FOXN3: variants seen among roughly 807,000 people sequenced by gnomAD.
The protein encoded by FOXN3 is forkhead box protein N3.
In FOXN3, 7 loss-of-function variants were observed where a neutral mutation model predicts 38.4. The ratio of observed to expected loss-of-function variants is 0.18; its 90% CI spans 0.10 to 0.34. FOXN3 has a LOEUF of 0.34. Among genes scored for constraint, FOXN3 ranks in the 10% least tolerant of loss-of-function variants. The probability of loss-of-function intolerance (pLI) is 1.00; values close to 1 mark genes in which losing one functional copy is unlikely to be tolerated. For synonymous variants in FOXN3, 230 were observed against 242.2 expected (o/e 0.95, Z 0.47); for missense variants, 456 against 613.4 (o/e 0.74, Z 2.71).
intron 4 of FOXN3, among the ~76,000 whole-genome samples, chr14:89,188,112 C>CCTTCTAAA (rs1887856036): frequency 6.6e-6 from 1 of 152,146 alleles, no homozygotes; most frequent in African/African-American, 2.4e-5. Flanking sequence ...GGATTTCTCA[C>CCTTCTAAA]ACAGCGGTAA....
At chr14:89,196,347 CA>C (rs1357869197) in intron 4 of FOXN3, among the ~76,000 whole-genome samples, 1 of 152,174 alleles carries the variant, frequency 6.6e-6, no homozygotes, top group African/African-American at 2.4e-5. Context: ...CCTCCGTGGA[CA>C]GGACGGGAAA....
intron 1 of FOXN3, among the ~76,000 whole-genome samples, chr14:89,505,519 C>T (rs1158937642): frequency 9.9e-5 from 15 of 152,278 alleles, no homozygotes; most frequent in African/African-American, 3.6e-4. Flanking sequence ...GCGAGTGATC[C>T]GCCAGCCTCG....
chr14:89,397,441 T>TA (rs35139656), intron 2 of FOXN3, among the ~76,000 whole-genome samples: 5,783 of 120,594 alleles, frequency 0.048, 344 homozygotes, highest in African/African-American at 0.14. Context: ...AAATAAAAGT[T>TA]AAAAAAAAAA....
chr14:89,577,029 CTT>C (rs1895643296), intron 1 of FOXN3: 1 of 152,200 alleles, frequency 6.6e-6, no homozygotes, highest in African/African-American at 2.4e-5. Flanking sequence ...CCAGTCTTCT[CTT>C]GTCACCGTAA....
At position 89,610,831 on chromosome 14, in the gene FOXN3, T is replaced by G. The variant is rs567243013; in HGVS notation, c.-15+8197A>C. Among the ~76,000 whole-genome samples the G allele has an allele frequency of 5.3e-4, 80 of 152,328 alleles. 1 individual carries two copies. Among genetic ancestry groups the G allele is most frequent in the African/African-American group, 1.7e-3 (72 of 41,574 alleles). ...TGAATGAACGTGAGGATGATTTGTT[T>G]CCCCCGATTTGTGCATATGTCTTTG... On this transcript the variant is annotated intron_variant, in intron 1 of 6. Transcript: ENST00000345097.
intron 5 of FOXN3, among the ~76,000 whole-genome samples, chr14:89,179,483 G>A (rs771397123): frequency 1.3e-5 from 2 of 152,134 alleles, no homozygotes; most frequent in Admixed American, 6.5e-5. Flanking sequence ...ATCCGTAAAC[G>A]CAGAAGGAGA....
At chr14:89,413,692 C>T (rs79175900) in intron 1 of FOXN3, among the ~76,000 whole-genome samples, 566 of 22,378 alleles carry the variant, frequency 0.025, 1 homozygote, top group Admixed American at 0.037. Context: ...GGGAAGGGAA[C>T]GGAAGAGAAG....
At chr14:89,246,047 G>A (rs773190878) in intron 4 of FOXN3, among the ~76,000 whole-genome samples, 9 of 151,996 alleles carry the variant, frequency 5.9e-5, no homozygotes, top group Non-Finnish European at 1.2e-4. Flanking sequence ...TTTTTCCCCC[G>A]CACTGGGTGA....
intron 1 of FOXN3, among the ~76,000 whole-genome samples, chr14:89,572,576 TC>T (rs1180467602): frequency 6.6e-6 from 1 of 152,238 alleles, no homozygotes; most frequent in East Asian, 1.9e-4. Flanking sequence ...CCACCCTTCA[TC>T]CTACCTTTGT....
chr14:89,460,957 G>A lies in FOXN3; in HGVS notation c.-14-48467C>T, dbSNP rs530207456. On this transcript the variant is annotated intron_variant, in intron 1 of 6. Transcript: ENST00000345097. ...GCAGGAGAATCGCTTGAACCCAGGA[G>A]GAGGAGGTTGCAGTGAGCCGAGATC... Among the ~76,000 whole-genome samples, 5 of 149,596 alleles carry A rather than the reference G, an allele frequency of 3.3e-5. No individual in the cohort carries two copies. In the South Asian group the frequency reaches 1.1e-3, roughly 32 times the overall value.
chr14:89,407,376 T>C (rs1891419993), intron 2 of FOXN3, among the ~76,000 whole-genome samples: 1 of 152,152 alleles, frequency 6.6e-6, no homozygotes, highest in Admixed American at 6.6e-5. Flanking sequence ...CAAACAAACA[T>C]TTTGTAAACA....
intron 1 of FOXN3, among the ~76,000 whole-genome samples, chr14:89,433,812 C>CAA (rs770167740): frequency 8.7e-5 from 8 of 91,968 alleles, no homozygotes; most frequent in East Asian, 6.1e-4. Flanking sequence ...ACTCTGTCTC[C>CAA]AAAAAAAAAA....
At chr14:89,311,435 G>A (rs2139959759) in intron 3 of FOXN3, among the ~76,000 whole-genome samples, 1 of 134,368 alleles carries the variant, frequency 7.4e-6, no homozygotes, top group Non-Finnish European at 1.5e-5. Flanking sequence ...TCACGCCATT[G>A]CACTCCAGCC....
At chr14:89,472,349 A>C (rs879885940) in intron 1 of FOXN3, among the ~76,000 whole-genome samples, 15 of 152,150 alleles carry the variant, frequency 9.9e-5, no homozygotes, top group Admixed American at 3.9e-4. Context: ...TCTGAGTGAC[A>C]CATGTGCACA....
intron 1 of FOXN3, among the ~76,000 whole-genome samples, chr14:89,496,848 T>C (rs569908494): frequency 7.2e-5 from 11 of 152,342 alleles, no homozygotes; most frequent in African/African-American, 2.6e-4. Flanking sequence ...ATTTTGACTC[T>C]TCTACCTCAT....
intron 1 of FOXN3, among the ~76,000 whole-genome samples, chr14:89,510,687 A>G (rs1894039048): frequency 6.6e-6 from 1 of 152,314 alleles, no homozygotes; most frequent in African/African-American, 2.4e-5. Context: ...TCACACCGTA[A>G]TCCCGGCACT....
At position 89,507,831 on chromosome 14, in the gene FOXN3, G is replaced by A. The variant is rs553265782; in HGVS notation, c.-14-95341C>T. ...CACTAGTATGTAGTGACGTAAGCCT[G>A]GAAATGACACATTTAAGGACAGCTC... On this transcript the variant is annotated intron_variant, in intron 1 of 6. Coordinates refer to the FOXN3 transcript ENST00000345097. Among the ~76,000 whole-genome samples, 4 of 152,078 alleles carry A rather than the reference G, an allele frequency of 2.6e-5. No homozygotes were observed. In the East Asian group the frequency reaches 7.7e-4, roughly 29 times the overall value.
chr14:89,406,832 A>G (rs2140092810), intron 2 of FOXN3, among the ~76,000 whole-genome samples: 1 of 152,214 alleles, frequency 6.6e-6, no homozygotes, highest in South Asian at 2.1e-4. Flanking sequence ...CCAGTCTGGA[A>G]AAAAATAACT....
At chr14:89,591,569 T>TC (rs767272869) in intron 1 of FOXN3, among the ~76,000 whole-genome samples, 168 of 152,286 alleles carry the variant, frequency 1.1e-3, no homozygotes, top group Non-Finnish European at 1.8e-3. Context: ...CATTTCAATA[T>TC]GAAAACGAAA....
Sources: gnomAD v4.1 joint callset for allele counts (sites outside exome capture counted in the v4.1 genomes callset) on GRCh38, gnomAD v4.1.1 for gene constraint, MANE v1.5 for transcripts, NCBI Gene and HGNC (gene_info 2026-07-23, HGNC 2026-07-21) for gene names.